The following MECOM variants were observed in gnomAD, a reference collection of about 807,000 sequenced individuals.
The protein encoded by MECOM is MDS1 and EVI1 complex locus, also known as histone-lysine N-methyltransferase MECOM.
Under a neutral mutation model 116.3 loss-of-function variants are expected in MECOM, and 13 were observed. That is an observed-to-expected ratio of 0.11 (90% CI 0.07 to 0.18). MECOM has a LOEUF of 0.18. Ranked by LOEUF, MECOM falls within the 10% of genes least tolerant of loss-of-function variation. The pLI is 1.00. For missense variants in MECOM, 1,299 were observed against 1,509.0 expected, an observed-to-expected ratio of 0.86 and a Z score of 2.31; for synonymous variants, 528 against 535.2, an observed-to-expected ratio of 0.99 and a Z score of 0.19.
chr3:169,570,769 G>A (rs779750613), intron 1 of MECOM, among the ~76,000 whole-genome samples: 3 of 152,058 alleles, frequency 2.0e-5, no homozygotes, highest in Non-Finnish European at 4.4e-5. Flanking sequence ...TGCATAAAAG[G>A]CCTTTGATAA....
At chr3:169,179,986 A>T (rs1745735535) in intron 2 of MECOM, among the ~76,000 whole-genome samples, 1 of 152,206 alleles carries the variant, frequency 6.6e-6, no homozygotes, top group South Asian at 2.1e-4. Context: ...ACTCATTGGT[A>T]ATGTAGTCAA....
At chr3:169,202,518 T>C (rs1288145644) in intron 2 of MECOM, among the ~76,000 whole-genome samples, 1 of 151,658 alleles carries the variant, frequency 6.6e-6, no homozygotes. Flanking sequence ...TTCTGTATTA[T>C]TTGTTAAGGT....
chr3:169,564,180 GA>G (rs2109388202), intron 1 of MECOM, among the ~76,000 whole-genome samples: 1 of 152,164 alleles, frequency 6.6e-6, no homozygotes, highest in South Asian at 2.1e-4. Flanking sequence ...TTTTTAAAAA[GA>G]AAAAACTTAT....
chr3:169,146,344 A>G (rs1478133405), intron 2 of MECOM: 2 of 1,325,568 alleles, frequency 1.5e-6, no homozygotes, highest in Admixed American at 2.4e-5. Context: ...TCGCGTGGCC[A>G]GTGCCAGGAA....
chr3:169,570,790 C>A (rs974898201), intron 1 of MECOM, among the ~76,000 whole-genome samples: 1 of 151,984 alleles, frequency 6.6e-6, no homozygotes, highest in South Asian at 2.1e-4. Context: ...AATTCAACAC[C>A]CCTCATGATA....
At chr3:169,104,917 C>T (rs1351365125) in intron 10 of MECOM, among the ~76,000 whole-genome samples, 1 of 152,002 alleles carries the variant, frequency 6.6e-6, no homozygotes, top group Non-Finnish European at 1.5e-5. Flanking sequence ...GGCTTGATGG[C>T]TAAATAATGA....
chr3:169,119,838 G>C (rs1314632342), intron 7 of MECOM, among the ~76,000 whole-genome samples: 3 of 152,212 alleles, frequency 2.0e-5, no homozygotes, highest in Non-Finnish European at 2.9e-5. Flanking sequence ...AGGGAGATGA[G>C]AGCACCCTTT....
chr3:169,216,845 G>GT (rs1415306235), intron 2 of MECOM, among the ~76,000 whole-genome samples: 1 of 151,864 alleles, frequency 6.6e-6, no homozygotes, highest in Non-Finnish European at 1.5e-5. Flanking sequence ...GTGTTTATCT[G>GT]TAAAACAAAA....
intron 7 of MECOM, among the ~76,000 whole-genome samples, chr3:169,118,093 T>C (rs1729765338): frequency 6.7e-6 from 1 of 150,220 alleles, no homozygotes; most frequent in Admixed American, 6.9e-5. Context: ...GTCAAAGCAA[T>C]AATAATTAAA....
chr3:169,471,101 C>G (rs751032956), intron 1 of MECOM, among the ~76,000 whole-genome samples: 9 of 152,004 alleles, frequency 5.9e-5, no homozygotes, highest in Non-Finnish European at 1.2e-4. Flanking sequence ...AAACAACCCT[C>G]CCACCTCAGC....
chr3:169,163,693 TC>T (rs59228926), intron 2 of MECOM, among the ~76,000 whole-genome samples: 10,695 of 152,192 alleles, frequency 0.07, 478 homozygotes, highest in South Asian at 0.19. Flanking sequence ...TCTGCCATGT[TC>T]TTTTCCAAGG....
intron 16 of MECOM, among the ~76,000 whole-genome samples, 163 bp from the exon 17 acceptor site, chr3:169,085,206 G>T (rs576341118): frequency 6.6e-6 from 1 of 152,314 alleles, no homozygotes; most frequent in African/African-American, 2.4e-5. Flanking sequence ...AACCACATGG[G>T]ATTACTGCTG....
chr3:169,421,604 T>C (rs1201435695), intron 1 of MECOM, among the ~76,000 whole-genome samples: 1 of 152,146 alleles, frequency 6.6e-6, no homozygotes, highest in Non-Finnish European at 1.5e-5. Flanking sequence ...TTCGCTGCCC[T>C]GTTCTTACAG....
At chr3:169,372,815 G>A (rs535964404) in intron 2 of MECOM, among the ~76,000 whole-genome samples, 23 of 151,860 alleles carry the variant, frequency 1.5e-4, no homozygotes, top group African/African-American at 5.1e-4. Context: ...TTATTCCTAC[G>A]TGACATGTAA....
intron 2 of MECOM, among the ~76,000 whole-genome samples, chr3:169,377,483 C>A (rs1731239200): frequency 6.6e-6 from 1 of 152,084 alleles, no homozygotes; most frequent in African/African-American, 2.4e-5. Context: ...AAATAAAAAA[C>A]AAACAACCCC....
At chr3:169,340,718 A>G (rs960982534) in intron 2 of MECOM, among the ~76,000 whole-genome samples, 1 of 152,208 alleles carries the variant, frequency 6.6e-6, no homozygotes, top group African/African-American at 2.4e-5. Context: ...ATTTGTTACT[A>G]AATTGTAAAG....
chr3:169,248,874 T>G (rs769797089), intron 2 of MECOM, among the ~76,000 whole-genome samples: 4 of 152,148 alleles, frequency 2.6e-5, no homozygotes, highest in Non-Finnish European at 5.9e-5. Flanking sequence ...TGCCTTGATC[T>G]TAGACTTCTG....
intron 1 of MECOM, among the ~76,000 whole-genome samples, chr3:169,480,190 A>G (rs1751073526): frequency 1.3e-5 from 2 of 152,234 alleles, no homozygotes; most frequent in African/African-American, 4.8e-5. Flanking sequence ...CAAGCAAGCT[A>G]GTGCTGTCTT....
chr3:169,183,869 T>C (rs1327178763), intron 2 of MECOM, among the ~76,000 whole-genome samples: 1 of 123,198 alleles, frequency 8.1e-6, no homozygotes, highest in Non-Finnish European at 1.8e-5. Flanking sequence ...TTCTTTTTTC[T>C]CTTTTTTTTT....
Sources: gnomAD v4.1 joint callset for allele counts (sites outside exome capture counted in the v4.1 genomes callset) on GRCh38, gnomAD v4.1.1 for gene constraint, MANE v1.5 for transcripts, NCBI Gene and HGNC (gene_info 2026-07-23, HGNC 2026-07-21) for gene names.